Variants in CNST observed in about 807,000 individuals in gnomAD.
CNST encodes the protein consortin.
A neutral mutation model predicts 72.4 loss-of-function variants in CNST; 39 were observed. The observed-to-expected ratio is 0.54, with a 90% CI of 0.42 to 0.70. The LOEUF is 0.70. CNST is among the 30% of genes least tolerant of loss of function. The pLI is 0.00. For synonymous variants in CNST, 332 were observed against 320.1 expected (o/e 1.04, Z -0.40); for missense variants, 871 against 868.5 (o/e 1.00, Z -0.04).
chr1:246,645,423 A>ATTTTTTTTTTTTTT (rs762655117), intron 8 of CNST, among the ~76,000 whole-genome samples: 1 of 106,072 alleles, frequency 9.4e-6, no homozygotes, highest in African/African-American at 3.5e-5. Context: ...AAAGGTTAAA[A>ATTTTTTTTTTTTTT]CTTTTTTTTT....
At chr1:246,629,727 A>G (rs988185357) in intron 3 of CNST, among the ~76,000 whole-genome samples, 2 of 152,054 alleles carry the variant, frequency 1.3e-5, no homozygotes, top group Non-Finnish European at 2.9e-5. Flanking sequence ...TTGTACTTGA[A>G]ATTTTTTTTT....
intron 9 of CNST, among the ~76,000 whole-genome samples, chr1:246,658,031 T>G (rs1666863035): frequency 6.6e-6 from 1 of 152,174 alleles, no homozygotes; most frequent in African/African-American, 2.4e-5. Flanking sequence ...AATTCACCAT[T>G]GGTAAGTGTA....
intron 3 of CNST, among the ~76,000 whole-genome samples, chr1:246,631,010 C>T (rs1005054340): frequency 2.0e-5 from 3 of 151,846 alleles, no homozygotes; most frequent in Non-Finnish European, 2.9e-5. Flanking sequence ...CCTCCCAAAG[C>T]GCTGGGATTA....
chr1:246,609,906 T>C (rs540608345), intron 2 of CNST, among the ~76,000 whole-genome samples: 1 of 152,342 alleles, frequency 6.6e-6, no homozygotes, highest in East Asian at 1.9e-4. Context: ...GTGGCATTAA[T>C]TACATTCATA....
chr1:246,628,497 G>C (rs569510113), intron 3 of CNST, among the ~76,000 whole-genome samples: 2 of 152,298 alleles, frequency 1.3e-5, no homozygotes, highest in East Asian at 3.9e-4. Context: ...TTTTGAGCTC[G>C]TGGAACTCTT....
At chr1:246,634,683 CTG>C in intron 6 of CNST, 96 bp downstream of exon 6, 3 of 715,036 alleles carry the variant, frequency 4.2e-6, no homozygotes, top group Non-Finnish European at 7.1e-6. Flanking sequence ...ATGTTTTCAA[CTG>C]GAGAAATTAA....
At chr1:246,590,394 G>T (rs1661469463) in intron 1 of CNST, among the ~76,000 whole-genome samples, 1 of 152,070 alleles carries the variant, frequency 6.6e-6, no homozygotes, top group South Asian at 2.1e-4. Flanking sequence ...TGGTGCCAGG[G>T]TCGTCTGGCT....
At chr1:246,645,259 A>T (rs776911969) in intron 8 of CNST, among the ~76,000 whole-genome samples, 5 of 151,384 alleles carry the variant, frequency 3.3e-5, no homozygotes, top group Admixed American at 1.3e-4. Flanking sequence ...GATTAGTATT[A>T]AAGTATCAAT....
In CNST at chr1:246,616,700, A is replaced by G. The variant is rs533887900; in HGVS notation, c.380-4729A>G. Among the ~76,000 whole-genome samples, 66 of 152,188 alleles carry G rather than the reference A, an allele frequency of 4.3e-4. No homozygotes were observed. The South Asian group carries it at 8.1e-3, about 19-fold the overall frequency. ...CTCCCGAGTAGCTGGGACTACATAC[A>G]TACGCCACCACGCCCGGCTAATTTT... On this transcript the variant is annotated intron_variant, in intron 2 of 10. Transcript: ENST00000366513.
chr1:246,574,581 AT>A (rs879554267), intron 1 of CNST, among the ~76,000 whole-genome samples: 61 of 147,002 alleles, frequency 4.1e-4, no homozygotes, highest in South Asian at 4.3e-4. Flanking sequence ...ATGCAGTCTA[AT>A]TTTTTTTTTT....
rs1042698975 is a variant in CNST, at chr1:246,667,311, G to C, written c.*1406G>C. On this transcript the variant is annotated 3_prime_UTR_variant, in exon 11 of 11. Transcript: ENST00000366513. ...ATTTAGATTATGTGAATCTTAAAGG[G>C]CTTTTTATATCAGTTGAAAGTGTGT... is the stretch of plus-strand genomic sequence containing the variant. 5.3e-5 allele frequency: 8 copies of C among 152,070 alleles called. No homozygotes were observed. Among genetic ancestry groups the C allele is most frequent in the Middle Eastern group, 3.2e-3 (1 of 314 alleles). The allele number at this position is 152,070 out of a possible 1,614,324, so 9.4% of individuals were successfully genotyped here.
At chr1:246,585,641 CAA>C (rs543693321) in intron 1 of CNST, among the ~76,000 whole-genome samples, 1,029 of 42,750 alleles carry the variant, frequency 0.024, 16 homozygotes, top group African/African-American at 0.067. Flanking sequence ...GACTCTGTCT[CAA>C]AAAAAAAAAA....
At chr1:246,611,248 C>T (rs1261422962) in intron 2 of CNST, among the ~76,000 whole-genome samples, 1 of 152,146 alleles carries the variant, frequency 6.6e-6, no homozygotes, top group Non-Finnish European at 1.5e-5. Flanking sequence ...TTGACATTGC[C>T]TTTCTCTTGA....
chr1:246,662,031 CTTAA>C (rs1667128398), intron 10 of CNST, among the ~76,000 whole-genome samples: 1 of 152,226 alleles, frequency 6.6e-6, no homozygotes, highest in African/African-American at 2.4e-5. Flanking sequence ...GCCACCTCAT[CTTAA>C]ACTAAGTCAC....
intron 9 of CNST, among the ~76,000 whole-genome samples, chr1:246,652,947 T>C (rs1336643076): frequency 6.7e-6 from 1 of 149,398 alleles, no homozygotes; most frequent in East Asian, 2.0e-4. Flanking sequence ...GAGCTTGCAG[T>C]GAGCCGAGAT....
chr1:246,659,455 C>T (rs577639098), intron 9 of CNST, among the ~76,000 whole-genome samples: 1 of 152,248 alleles, frequency 6.6e-6, no homozygotes, highest in South Asian at 2.1e-4. Context: ...ATTAGCCGAG[C>T]ATGGTGGCGG....
At chr1:246,658,412 A>G (rs1666883965) in intron 9 of CNST, among the ~76,000 whole-genome samples, 1 of 152,150 alleles carries the variant, frequency 6.6e-6, no homozygotes. Flanking sequence ...TTCTCAGAAC[A>G]AGGACTTCTG....
chr1:246,591,132 T>G (rs992381838), intron 1 of CNST, among the ~76,000 whole-genome samples: 1 of 152,192 alleles, frequency 6.6e-6, no homozygotes, highest in African/African-American at 2.4e-5. Flanking sequence ...GAGACTAATT[T>G]CAGCACATAA....
chr1:246,662,413 G>A (rs914344141), intron 10 of CNST, among the ~76,000 whole-genome samples: 4 of 151,966 alleles, frequency 2.6e-5, no homozygotes, highest in African/African-American at 7.2e-5. Flanking sequence ...TTTTTGAGAC[G>A]GGATCTCACT....
Sources: allele counts gnomAD v4.1 joint callset (sites outside exome capture counted in the v4.1 genomes callset), GRCh38; gene constraint gnomAD v4.1.1; transcripts MANE v1.5; gene names NCBI Gene and HGNC (gene_info 2026-07-23, HGNC 2026-07-21).